PARVB: variants seen among roughly 807,000 people sequenced by gnomAD.
PARVB encodes the protein beta-parvin.
In PARVB, 46 loss-of-function variants were observed where a neutral mutation model predicts 47.0. That is an observed-to-expected ratio of 0.98 (90% CI 0.77 to 1.25). The LOEUF (loss-of-function observed/expected upper bound fraction) is 1.25. Ranked by LOEUF, PARVB falls within the 50% of genes most tolerant of loss-of-function variation. The probability of loss-of-function intolerance (pLI) is 0.00; values close to 1 mark genes in which losing one functional copy is unlikely to be tolerated. For synonymous variants in PARVB, 196 were observed against 196.3 expected, an observed-to-expected ratio of 1.00 and a Z score of 0.01; for missense variants, 473 against 471.6, an observed-to-expected ratio of 1.00 and a Z score of -0.03.
intron 3 of PARVB, chr22:44,105,477 T>G (rs2052546582): frequency 6.6e-6 from 1 of 152,316 alleles, no homozygotes; most frequent in Admixed American, 6.5e-5. Context: ...GAGACGTATT[T>G]CCTGCCCCTG....
rs574072545 is a variant in PARVB at position 44,130,449 on chromosome 22, G to A, written c.377-1038G>A. The stretch of plus-strand genomic sequence containing the variant: ...AAAAGGGAAATTGAAGGAGGTGCAG[G>A]CTGGGCTGGAGCTCAGTCTCAGTAA... On this transcript the variant is annotated intron_variant, in intron 4 of 12. Coordinates refer to ENST00000338758, the MANE Select transcript of PARVB (RefSeq NM_013327.5). Among the ~76,000 whole-genome samples, 82 of 152,326 alleles carry A rather than the reference G, an allele frequency of 5.4e-4. No homozygotes were observed. The Middle Eastern group carries it at 0.01, about 19-fold the overall frequency.
At chr22:44,053,083 C>CTT (rs1192961779) in intron 1 of PARVB, among the ~76,000 whole-genome samples, 18 of 137,580 alleles carry the variant, frequency 1.3e-4, no homozygotes, top group African/African-American at 1.9e-4. Flanking sequence ...TGTTACACAT[C>CTT]TTTTTTTTTT....
intron 11 of PARVB, among the ~76,000 whole-genome samples, chr22:44,162,127 A>G (rs1161288190): frequency 6.6e-6 from 1 of 152,230 alleles, no homozygotes; most frequent in Non-Finnish European, 1.5e-5. Context: ...TTCTCCGAGC[A>G]CAGGCCGTGT....
intron 3 of PARVB, chr22:44,111,134 T>G (rs2052687118): frequency 6.6e-6 from 1 of 152,096 alleles, no homozygotes; most frequent in Non-Finnish European, 1.5e-5. Flanking sequence ...TTGGAATCAT[T>G]CCAGAGCTAG....
At chr22:44,091,162 G>A (rs1181713506) in intron 1 of PARVB, among the ~76,000 whole-genome samples, 1 of 152,104 alleles carries the variant, frequency 6.6e-6, no homozygotes, top group Non-Finnish European at 1.5e-5. Context: ...GGAAATTCAA[G>A]GATGAGTGGT....
At chr22:44,011,076 G>A (rs770178931) in intron 2 of PARVB, among the ~76,000 whole-genome samples, 1 of 151,896 alleles carries the variant, frequency 6.6e-6, no homozygotes, top group Non-Finnish European at 1.5e-5. Flanking sequence ...CTCCCGCCTC[G>A]GCCTCCCAAA....
chr22:44,031,323 T>C (rs1267404154), intron 1 of PARVB: 1 of 152,252 alleles, frequency 6.6e-6, no homozygotes, highest in African/African-American at 2.4e-5. Context: ...ACATTTCCTT[T>C]GATTATTATT....
At chr22:44,115,509 A>T (rs1285859067) in intron 3 of PARVB, 1 of 37,698 alleles carries the variant, frequency 2.7e-5, no homozygotes, top group South Asian at 1.3e-3. Context: ...CTGCACCAGA[A>T]CGGATACATT....
intron 3 of PARVB, among the ~76,000 whole-genome samples, chr22:44,100,747 G>T (rs2052423629): frequency 6.6e-6 from 1 of 152,156 alleles, no homozygotes; most frequent in Non-Finnish European, 1.5e-5. Flanking sequence ...GCTTGTGTGG[G>T]TCCAAGGACA....
intron 11 of PARVB, among the ~76,000 whole-genome samples, chr22:44,160,936 C>T (rs982602741): frequency 3.3e-5 from 5 of 152,194 alleles, no homozygotes; most frequent in South Asian, 2.1e-4. Context: ...ACTCCCTCAG[C>T]GTGGAAGAGG....
At chr22:44,133,303 A>G (rs1313923305) in intron 6 of PARVB, among the ~76,000 whole-genome samples, 3 of 152,190 alleles carry the variant, frequency 2.0e-5, no homozygotes, top group Non-Finnish European at 2.9e-5. Context: ...TTGGAATTCA[A>G]TCCCCTTGAA....
chr22:44,131,792 A>G (rs1011126190), intron 5 of PARVB, among the ~76,000 whole-genome samples, 165 bp downstream of exon 5: 4 of 152,114 alleles, frequency 2.6e-5, no homozygotes, highest in African/African-American at 9.7e-5. Context: ...TGCAGGGGAG[A>G]AGAACAGGAG....
At chr22:44,098,481 G>A (rs1041325147) in intron 2 of PARVB, among the ~76,000 whole-genome samples, 2 of 152,160 alleles carry the variant, frequency 1.3e-5, no homozygotes, top group Admixed American at 6.5e-5. Flanking sequence ...GTGGCAGCAA[G>A]GCTTCAAGGA....
At chr22:44,046,958 G>A (rs950959502) in intron 1 of PARVB, among the ~76,000 whole-genome samples, 4 of 152,132 alleles carry the variant, frequency 2.6e-5, no homozygotes, top group South Asian at 2.1e-4. Flanking sequence ...CTCCTGGGTC[G>A]GTGTGCGGGG....
chr22:44,063,608 T>A (rs2051461006), intron 1 of PARVB, among the ~76,000 whole-genome samples: 1 of 152,046 alleles, frequency 6.6e-6, no homozygotes, highest in Non-Finnish European at 1.5e-5. Context: ...GTTTAGAGGG[T>A]GCCTGACAGG....
At chr22:44,053,426 G>A (rs553710294) in intron 1 of PARVB, among the ~76,000 whole-genome samples, 4 of 152,290 alleles carry the variant, frequency 2.6e-5, no homozygotes, top group Admixed American at 2.6e-4. Flanking sequence ...GCATTTAAAG[G>A]ATTCGGCTGC....
chr22:44,149,121 C>G (rs1419910813), intron 9 of PARVB: 7 of 152,182 alleles, frequency 4.6e-5, no homozygotes, highest in Non-Finnish European at 1.0e-4. Flanking sequence ...CAAGTGGGGA[C>G]AGAGATGTTA....
chr22:44,076,020 G>A (rs1224559344), intron 1 of PARVB, among the ~76,000 whole-genome samples: 1 of 152,258 alleles, frequency 6.6e-6, no homozygotes, highest in Non-Finnish European at 1.5e-5. Context: ...GGGACCTGGA[G>A]CGCAAAGCAG....
intron 6 of PARVB, among the ~76,000 whole-genome samples, chr22:44,134,695 A>C (rs1011737692): frequency 1.3e-5 from 2 of 151,896 alleles, no homozygotes; most frequent in African/African-American, 4.8e-5. Context: ...TGCTCAGGGG[A>C]CCCCTTATCT....
Sources: gnomAD v4.1 joint callset for allele counts (sites outside exome capture counted in the v4.1 genomes callset) on GRCh38, gnomAD v4.1.1 for gene constraint, MANE v1.5 for transcripts, NCBI Gene and HGNC (gene_info 2026-07-23, HGNC 2026-07-21) for gene names.